Variants in ZNF362 observed in about 807,000 individuals in gnomAD.
The protein encoded by ZNF362 is rotund homolog.
ZNF362 carries 11 observed loss-of-function variants against 42.9 expected under a neutral mutation model. That is an observed-to-expected ratio of 0.26 (90% CI 0.16 to 0.42). ZNF362 has a LOEUF of 0.42. Among genes scored for constraint, ZNF362 ranks in the 20% least tolerant of loss-of-function variants. The pLI is 1.00. For synonymous variants in ZNF362, 255 were observed against 257.3 expected, an observed-to-expected ratio of 0.99 and a Z score of 0.09; for missense variants, 362 against 576.2, an observed-to-expected ratio of 0.63 and a Z score of 3.81.
chr1:33,183,579 G>T, the ZNF362 span, among the ~76,000 whole-genome samples: 1 of 151,472 alleles, frequency 6.6e-6, no homozygotes, highest in Admixed American at 6.6e-5. Context: ...AGTGAGTCTT[G>T]TTTGGTCCAA....
the ZNF362 span, among the ~76,000 whole-genome samples, chr1:33,192,377 C>T: frequency 1.2e-4 from 18 of 152,060 alleles, no homozygotes; most frequent in Admixed American, 4.6e-4. Context: ...TACCATTGGC[C>T]GACAAATTTT....
At chr1:33,276,636 G>A in intron 4 of ZNF362, 42 bp downstream of exon 4, 2 of 1,299,772 alleles carry the variant, frequency 1.5e-6, no homozygotes, top group Non-Finnish European at 1.9e-6. Context: ...GTGAGGACTG[G>A]GCAGGAGGGG....
the ZNF362 span, among the ~76,000 whole-genome samples, chr1:33,223,599 G>A: frequency 2.0e-3 from 297 of 152,196 alleles, 4 homozygotes; most frequent in East Asian, 0.05. Context: ...CCATCATAAA[G>A]ACTGAAGACC....
chr1:33,138,400 G>T, the ZNF362 span, among the ~76,000 whole-genome samples: 14 of 152,246 alleles, frequency 9.2e-5, no homozygotes, highest in South Asian at 1.2e-3. Flanking sequence ...AGTGGTTCAT[G>T]CCTGTAATCC....
Position 33,280,443 on chromosome 1 carries a change from G to A in ZNF362, c.669G>A (p.Glu223=). 6.3e-7 allele frequency: 1 copy of A among 1,597,944 alleles called. No homozygotes were observed. Among genetic ancestry groups the A allele is most frequent in the South Asian group, 1.1e-5 (1 of 89,324 alleles). The change falls in exon 5 of 9, where the codon GAG becomes GAA. Residue 223 remains glutamate (E), a synonymous_variant. Transcript: ENST00000539719. The surrounding 1 kb of genome is among the most constrained non-coding windows in gnomAD (Gnocchi z 5.6). ...TGGCCTCGGGCGAGACTGCCAAGGA[G>A]GGCAAGACGTACAGGTGGGGGTCTT... ...PILASGETAK[E]GKTYRCKVCP...
intron 1 of ZNF362, among the ~76,000 whole-genome samples, chr1:33,264,276 G>A (rs187987095): frequency 6.6e-6 from 1 of 152,168 alleles, no homozygotes; most frequent in Admixed American, 6.5e-5. Flanking sequence ...TGTGGGTCCT[G>A]AAGGCCACCC....
At chr1:33,254,793 G>A (rs1009360608), upstream of ZNF362, among the ~76,000 whole-genome samples, 3 of 152,144 alleles carry the variant, frequency 2.0e-5, no homozygotes, top group Non-Finnish European at 4.4e-5. Flanking sequence ...AAAGAGTAGG[G>A]AGTGATGCTC....
In ZNF362 at chr1:33,299,127, C is replaced by A; in HGVS notation, c.*81C>A. ...ACCAGGCCCCAGCTCCCTCCGGGGG[C>A]CCTCCAGGAACCACCAAGCTCTCTC... On this transcript the variant is annotated 3_prime_UTR_variant, in exon 9 of 9. Transcript: ENST00000539719. 1 of 1,094,072 alleles carries A rather than the reference C, an allele frequency of 9.1e-7. No homozygotes were observed. Among genetic ancestry groups the A allele is most frequent in the Non-Finnish European group, 1.4e-6 (1 of 731,412 alleles). The allele number at this position is 1,094,072 out of a possible 1,614,324, so 67.8% of individuals were successfully genotyped here.
chr1:33,215,865 C>T, the ZNF362 span, among the ~76,000 whole-genome samples: 1 of 151,056 alleles, frequency 6.6e-6, no homozygotes, highest in African/African-American at 2.4e-5. Flanking sequence ...TGCCATAAAC[C>T]AGGGGCCTAT....
At chr1:33,141,628 G>C in the ZNF362 span, among the ~76,000 whole-genome samples, 3 of 152,156 alleles carry the variant, frequency 2.0e-5, no homozygotes, top group Non-Finnish European at 1.5e-5. Context: ...AAGTCCCTGG[G>C]TCTCTGGTCC....
chr1:33,235,464 G>T, the ZNF362 span, among the ~76,000 whole-genome samples: 1 of 152,176 alleles, frequency 6.6e-6, no homozygotes, highest in Non-Finnish European at 1.5e-5. Context: ...CAAACTCCAG[G>T]CTAAGCCTAG....
chr1:33,144,880 A>G, the ZNF362 span, among the ~76,000 whole-genome samples: 3 of 152,052 alleles, frequency 2.0e-5, no homozygotes, highest in African/African-American at 7.2e-5. Context: ...CCAGGCACTG[A>G]CTCTGGGAGG....
the ZNF362 span, among the ~76,000 whole-genome samples, chr1:33,214,533 G>T: frequency 6.6e-6 from 1 of 152,082 alleles, no homozygotes; most frequent in African/African-American, 2.4e-5. Context: ...CACAGCAAAG[G>T]AAACAATCAG....
At chr1:33,220,664 C>A in the ZNF362 span, among the ~76,000 whole-genome samples, 2 of 152,152 alleles carry the variant, frequency 1.3e-5, no homozygotes, top group Non-Finnish European at 2.9e-5. Flanking sequence ...TGGGTTCTAC[C>A]ACTGCCCAGC....
At chr1:33,148,918 C>T in the ZNF362 span, among the ~76,000 whole-genome samples, 2 of 152,174 alleles carry the variant, frequency 1.3e-5, no homozygotes, top group Non-Finnish European at 2.9e-5. Flanking sequence ...CCAGGACTAA[C>T]CAAGGTCGTC....
chr1:33,244,665 A>G, the ZNF362 span, among the ~76,000 whole-genome samples: 2 of 152,174 alleles, frequency 1.3e-5, no homozygotes, highest in African/African-American at 4.8e-5. This position sits in a 1 kb window ranked among gnomAD's most constrained non-coding sequence, Gnocchi z 4.0. Context: ...AGGCTCCACA[A>G]TTTACTCTGC....
the ZNF362 span, chr1:33,159,920 T>C: frequency 1.9e-6 from 3 of 1,606,540 alleles, no homozygotes; most frequent in South Asian, 1.1e-5. This position sits in a 1 kb window ranked among gnomAD's most constrained non-coding sequence, Gnocchi z 4.2. Flanking sequence ...TCGCCGATAG[T>C]GGTCCGCAGG....
At chr1:33,259,024 CTG>C (rs1369407778) in intron 1 of ZNF362, among the ~76,000 whole-genome samples, 3 of 152,182 alleles carry the variant, frequency 2.0e-5, no homozygotes, top group Non-Finnish European at 4.4e-5. Context: ...AACCCAGTGA[CTG>C]TGTAAACATC....
intron 6 of ZNF362, among the ~76,000 whole-genome samples, chr1:33,285,363 G>A (rs1484568210): frequency 2.0e-5 from 3 of 152,142 alleles, no homozygotes; most frequent in Non-Finnish European, 4.4e-5. Context: ...GCAGTGAGCC[G>A]AGATCATGCC....
Sources: gnomAD v4.1 joint callset for allele counts (sites outside exome capture counted in the v4.1 genomes callset) on GRCh38, gnomAD v4.1.1 for gene constraint, Gnocchi (gnomAD v3.1) non-coding constraint, MANE v1.5 for transcripts, NCBI Gene and HGNC (gene_info 2026-07-23, HGNC 2026-07-21) for gene names.